MED16: variants seen among roughly 807,000 people sequenced by gnomAD.
MED16 encodes mediator complex subunit 16.
MED16 carries 81 observed loss-of-function variants against 84.4 expected under a neutral mutation model. That is an observed-to-expected ratio of 0.96 (90% confidence interval 0.80 to 1.15). The LOEUF (loss-of-function observed/expected upper bound fraction) is 1.15. MED16 is among the 50% of genes most tolerant of loss of function. The pLI is 0.00. For missense variants in MED16, 1,585 were observed against 1,245.9 expected, an observed-to-expected ratio of 1.27 and a Z score of -4.10; for synonymous variants, 897 against 552.2, an observed-to-expected ratio of 1.62 and a Z score of -8.76.
At chr19:887,777 G>C (rs565013492) in intron 4 of MED16, among the ~76,000 whole-genome samples, 27 of 152,250 alleles carry the variant, frequency 1.8e-4, no homozygotes, top group African/African-American at 6.3e-4. Flanking sequence ...AGAAGGCTAC[G>C]CAGTGTGTGA....
At chr19:877,891 G>A (rs565552453) in intron 8 of MED16, among the ~76,000 whole-genome samples, 4 of 106,530 alleles carry the variant, frequency 3.8e-5, no homozygotes, top group African/African-American at 1.2e-4. Flanking sequence ...GGTTGTCAAT[G>A]CCCACCAGCC....
At chr19:886,534 G>A (rs557803150) in intron 4 of MED16, among the ~76,000 whole-genome samples, 12 of 152,338 alleles carry the variant, frequency 7.9e-5, no homozygotes, top group South Asian at 6.2e-4. Context: ...GGTCCCTGTT[G>A]CAACGACTTG....
intron 7 of MED16, among the ~76,000 whole-genome samples, chr19:881,295 C>T (rs1168124943): frequency 6.6e-6 from 1 of 152,204 alleles, no homozygotes; most frequent in Non-Finnish European, 1.5e-5. Flanking sequence ...GTTCCCCAGG[C>T]TCCCTTGTTG....
In MED16 at chr19:871,216, C is replaced by A. The variant is rs546895377; in HGVS notation, c.2136G>T (p.Ala712=). 2 of 1,547,234 alleles carry A rather than the reference C, an allele frequency of 1.3e-6. No individual in the cohort carries two copies. The highest frequency in any genetic ancestry group is 1.2e-5 in the South Asian group (1 of 84,214). Residue 712 remains alanine (A), a synonymous_variant, in exon 13 of 16, where the codon GCG becomes GCT. Coordinates refer to ENST00000325464, the MANE Select transcript of MED16 (RefSeq NM_005481.3). ...DEGPASEPDE[A]LVDECCLLPS... is the part of the protein sequence containing the mutation. ...GCAGCAGGCAGCATTCATCCACCAG[C>A]GCCTCGTCCGGCTCGCTCGCTGGGC...
In MED16 at chr19:871,130, C is replaced by A. The variant is rs755355354; in HGVS notation, c.2222G>T (p.Arg741Leu). 6.5e-6 allele frequency: 10 copies of A among 1,548,400 alleles called. No individual in the cohort carries two copies. The highest frequency in any genetic ancestry group is 1.2e-5 in the South Asian group (1 of 84,004). The change falls in exon 13 of 16, where the codon CGC (arginine) becomes CTC (leucine). Residue 741 changes from arginine (R) to leucine (L), a missense_variant. By Grantham distance (102) the Arg-to-Leu change is moderately radical (BLOSUM62 -2). Transcript: ENST00000325464. Reference sequence around the variant, plus strand: ...ACGAAGGGGCTGCTTGGGCTGCAGGCGGCTAACCAGGCCGTCGCTGGCTGG... The same window carrying A: ...ACGAAGGGGCTGCTTGGGCTGCAGGAGGCTAACCAGGCCGTCGCTGGCTGG... The part of the protein sequence containing the change: ...WLPASDGLVS[R>L]LQPKQPLRLQ...
intron 6 of MED16, among the ~76,000 whole-genome samples, chr19:884,403 AG>A (rs1305400025): frequency 4.6e-5 from 7 of 150,606 alleles, no homozygotes; most frequent in African/African-American, 1.7e-4. Flanking sequence ...GCCCCAGAAG[AG>A]GCTGCTGGAG....
intron 6 of MED16, among the ~76,000 whole-genome samples, chr19:882,317 G>C (rs547907800): frequency 6.6e-6 from 1 of 152,162 alleles, no homozygotes; most frequent in African/African-American, 2.4e-5. Context: ...AGACCAGCCT[G>C]GACAACACAG....
At chr19:882,848 G>A (rs556854488) in intron 6 of MED16, among the ~76,000 whole-genome samples, 6 of 152,302 alleles carry the variant, frequency 3.9e-5, no homozygotes, top group Admixed American at 1.3e-4. Context: ...GGGCCATCAC[G>A]GTCACAGAGC....
rs201595768 is a variant in MED16 at position 873,592 on chromosome 19, G to A, written c.1772-10C>T. On this transcript the variant is annotated splice_polypyrimidine_tract_variant and intron_variant, in intron 10 of 15. Transcript: ENST00000325464. ...ATGACCTTGTCAATGTCTACAAGGA[G>A]ACGTGGGTCGGGTCAGCTCGGGCCT... The A allele has an allele frequency of 5.0e-6, 8 of 1,611,836 alleles. No homozygotes were observed. The Middle Eastern group carries it at 4.9e-4, about 100-fold the overall frequency.
Position 871,933 on chromosome 19 carries a change from C to G in MED16, c.2091G>C (p.Trp697Cys). 1 of 1,563,262 alleles carries G rather than the reference C, an allele frequency of 6.4e-7. No individual in the cohort carries two copies. Among genetic ancestry groups the G allele is most frequent in the Non-Finnish European group, 8.6e-7 (1 of 1,159,208 alleles). ...SLLFRLLTKL[W>C]ICCRDEGPAS... ...CGGGCGGGGGTGCCTCACAGCAGATCCAGAGCTTGGTGAGCAGGCGGAAGA... is the reference window on the plus strand; with the variant it reads ...CGGGCGGGGGTGCCTCACAGCAGATGCAGAGCTTGGTGAGCAGGCGGAAGA... Residue 697 changes from tryptophan (W) to cysteine (C), a missense_variant, in exon 12 of 16, where the codon TGG becomes TGC. Coordinates refer to ENST00000325464, the MANE Select transcript of MED16 (RefSeq NM_005481.3).
At chr19:880,179 G>A (rs1040801232) in intron 7 of MED16, 31 bp from the exon 8 acceptor site, 19 of 1,586,046 alleles carry the variant, frequency 1.2e-5, no homozygotes, top group Non-Finnish European at 1.5e-5. Flanking sequence ...TTAGACATGG[G>A]CAGGGCCCAG....
In MED16 at chr19:890,978, G is replaced by A. The variant is rs755971535; in HGVS notation, c.154C>T (p.Arg52Cys). 19 of 1,613,654 alleles carry A rather than the reference G, an allele frequency of 1.2e-5. No individual in the cohort carries two copies. Among genetic ancestry groups the A allele is most frequent in the Admixed American group, 3.3e-5 (2 of 59,952 alleles). Residue 52 changes from arginine to cysteine, a missense_variant, in exon 2 of 16, where the codon CGC (arginine) becomes TGC (cysteine). Coordinates refer to ENST00000325464, the MANE Select transcript of MED16 (RefSeq NM_005481.3). ...RNLIAFTMDL[R>C]SDDQDLTRMI... Reference sequence around the variant, plus strand: ...GGGGACGCACCCTGGTCATCGCTGCGCAGGTCCATGGTGAAGGCGATGAGA... The same window carrying A: ...GGGGACGCACCCTGGTCATCGCTGCACAGGTCCATGGTGAAGGCGATGAGA...
At chr19:890,852 T>G in intron 2 of MED16, 111 bp downstream of exon 2, 1 of 1,192,476 alleles carries the variant, frequency 8.4e-7, no homozygotes, top group East Asian at 2.7e-5. Context: ...CCAGGGTGAG[T>G]GAGAGGTGGC....
At chr19:871,585 G>A (rs374644066) in intron 12 of MED16, 39 of 1,595,740 alleles carry the variant, frequency 2.4e-5, no homozygotes, top group East Asian at 6.7e-5. Context: ...AACCCGACAA[G>A]GAGAGACAGC....
rs1452625989 is a variant in MED16, at chr19:889,817, A to C, written c.278-10T>G. ...GACAGGAGCCGGGAGCCTGAGGGCAAGAAGCCATCATTGCGAACCTTCCAG... is the reference window on the plus strand; with the variant it reads ...GACAGGAGCCGGGAGCCTGAGGGCACGAAGCCATCATTGCGAACCTTCCAG... On this transcript the variant is annotated splice_polypyrimidine_tract_variant and intron_variant, in intron 3 of 15. Coordinates refer to ENST00000325464, the MANE Select transcript of MED16 (RefSeq NM_005481.3). The C allele has an allele frequency of 2.5e-6, 4 of 1,606,166 alleles. No individual in the cohort carries two copies. Among genetic ancestry groups the C allele is most frequent in the Non-Finnish European group, 3.4e-6 (4 of 1,177,294 alleles).
chr19:868,840 C>G (rs1190745300), intron 14 of MED16, 23 bp downstream of exon 14: 1 of 1,543,594 alleles, frequency 6.5e-7, no homozygotes, highest in Non-Finnish European at 8.7e-7. Flanking sequence ...CTCTGGGAGT[C>G]AGCGGTTCCG....
At position 877,084 on chromosome 19, in the gene MED16, T is replaced by G; in HGVS notation, c.1450A>C (p.Thr484Pro). 6.2e-7 allele frequency: 1 copy of G among 1,612,650 alleles called. No homozygotes were observed. Among genetic ancestry groups the G allele is most frequent in the Non-Finnish European group, 8.5e-7 (1 of 1,179,884 alleles). Residue 484 changes from threonine (T) to proline (P), a missense_variant, in exon 9 of 16, where the codon ACC becomes CCC. By Grantham distance (38) the Thr-to-Pro change is conservative (BLOSUM62 -1). Coordinates refer to ENST00000325464, the MANE Select transcript of MED16 (RefSeq NM_005481.3). Reference sequence around the variant, plus strand: ...AGGATGTCCCACCAGTCGTAGCCGGTCACCATGCAGTACTCCAGCAGGAAG... The same window carrying G: ...AGGATGTCCCACCAGTCGTAGCCGGGCACCATGCAGTACTCCAGCAGGAAG... ...LLFLLEYCMV[T>P]GYDWWDILLH...
Position 873,282 on chromosome 19 carries a change from T to G in MED16, c.1905+167A>C, listed in dbSNP as rs372436235. Among the ~76,000 whole-genome samples the G allele has an allele frequency of 8.2e-4, 45 of 54,588 alleles. No individual in the cohort carries two copies. The East Asian group carries it at 0.021, about 26-fold the overall frequency. 35.8% of individuals were successfully genotyped at this position (54,588 alleles called of 152,430 possible). A position where few individuals can be genotyped will look rare whatever the true frequency, so the allele number is the denominator to read the frequency against. On this transcript the variant is annotated intron_variant, in intron 11 of 15. Transcript: ENST00000325464. ...ACCAGGGGCGGGGCTGAGGTGGGAC[T>G]CCAAGCAGGGGCGGGACTCCAAGTA...
intron 6 of MED16, 30 bp downstream of exon 6, chr19:884,873 C>T (rs1479779506): frequency 2.6e-6 from 4 of 1,565,790 alleles, no homozygotes; most frequent in African/African-American, 2.7e-5. Flanking sequence ...AGGGCAGGCC[C>T]AGGGCCTCCG....
Sources: allele counts gnomAD v4.1 joint callset (sites outside exome capture counted in the v4.1 genomes callset), GRCh38; gene constraint gnomAD v4.1.1; transcripts MANE v1.5; gene names NCBI Gene and HGNC (gene_info 2026-07-23, HGNC 2026-07-21).